CSMD1: variants seen among roughly 807,000 people sequenced by gnomAD.
The protein encoded by CSMD1 is CUB and sushi domain-containing protein 1.
CSMD1 carries 213 observed loss-of-function variants against 417.5 expected under a neutral mutation model. The ratio of observed to expected loss-of-function variants is 0.51; its 90% CI spans 0.46 to 0.57. CSMD1 has a LOEUF of 0.57. Ranked by LOEUF, CSMD1 falls within the 20% of genes least tolerant of loss-of-function variation. CSMD1 has a pLI of 0.00. For missense variants in CSMD1, 6,923 were observed against 4,529.7 expected (o/e 1.53, Z -15.17); for synonymous variants, 2,862 against 1,736.8 (o/e 1.65, Z -16.11).
At chr8:4,639,370 C>G (rs996414389) in intron 1 of CSMD1, among the ~76,000 whole-genome samples, 2 of 151,180 alleles carry the variant, frequency 1.3e-5, no homozygotes, top group South Asian at 2.1e-4. Flanking sequence ...GCAGACAGAT[C>G]GTTGGAAGTG....
At chr8:3,464,968 C>G (rs371987702) in intron 12 of CSMD1, among the ~76,000 whole-genome samples, 1 of 151,846 alleles carries the variant, frequency 6.6e-6, no homozygotes, top group East Asian at 1.9e-4. Flanking sequence ...AATTCACACT[C>G]TCTCTCTCTC....
chr8:3,303,720 T>G (rs17320091), intron 25 of CSMD1, among the ~76,000 whole-genome samples: 2 of 152,190 alleles, frequency 1.3e-5, no homozygotes, highest in Non-Finnish European at 2.9e-5. Flanking sequence ...CTGTTACTTT[T>G]GTTACATAAA....
In CSMD1 at chr8:4,022,733, G is replaced by C. The variant is rs112995873; in HGVS notation, c.610+9172C>G. Among the ~76,000 whole-genome samples, 9 of 152,276 alleles carry C rather than the reference G, an allele frequency of 5.9e-5. No individual in the cohort carries two copies. The South Asian group carries it at 6.2e-4, about 11-fold the overall frequency. On this transcript the variant is annotated intron_variant, in intron 4 of 69. Coordinates refer to ENST00000635120, the MANE Select transcript of CSMD1 (RefSeq NM_033225.6). ...GCTGTGGTGAAGTGACAACTCACTG[G>C]ATGAACAGACAACTAGAAACTTTGG... is the stretch of plus-strand genomic sequence containing the variant.
intron 1 of CSMD1, among the ~76,000 whole-genome samples, chr8:4,861,881 G>C (rs922364073): frequency 6.6e-6 from 1 of 152,088 alleles, no homozygotes; most frequent in Non-Finnish European, 1.5e-5. Flanking sequence ...GAGGAAGAGA[G>C]ACAGAGGGAG....
chr8:4,734,738 A>G (rs1810119500), intron 1 of CSMD1, among the ~76,000 whole-genome samples: 1 of 152,190 alleles, frequency 6.6e-6, no homozygotes, highest in Non-Finnish European at 1.5e-5. Flanking sequence ...AGGCAAATAA[A>G]TTATTGGCTA....
chr8:4,379,139 AG>A, intron 3 of CSMD1, among the ~76,000 whole-genome samples: 1 of 152,338 alleles, frequency 6.6e-6, no homozygotes, highest in South Asian at 2.1e-4. Context: ...CAGATATATC[AG>A]CCCCTGTAAT....
At chr8:4,431,538 C>T (rs970253730) in intron 2 of CSMD1, among the ~76,000 whole-genome samples, 1 of 151,430 alleles carries the variant, frequency 6.6e-6, no homozygotes, top group South Asian at 2.1e-4. Context: ...ACACCCGACC[C>T]TGATAATCTA....
chr8:3,160,699 A>C (rs558737091), intron 38 of CSMD1, among the ~76,000 whole-genome samples: 1 of 152,358 alleles, frequency 6.6e-6, no homozygotes, highest in Non-Finnish European at 1.5e-5. Flanking sequence ...GTTTCTAATA[A>C]CAGCTACAAT....
At chr8:4,336,851 A>T (rs1474101092) in intron 3 of CSMD1, among the ~76,000 whole-genome samples, 1 of 152,060 alleles carries the variant, frequency 6.6e-6, no homozygotes, top group African/African-American at 2.4e-5. Context: ...GTTGAGATTT[A>T]TTTCCAATAA....
At chr8:3,920,714 T>C (rs1809184820) in intron 5 of CSMD1, among the ~76,000 whole-genome samples, 1 of 149,318 alleles carries the variant, frequency 6.7e-6, no homozygotes, top group South Asian at 2.2e-4. Context: ...AAATGCTTTT[T>C]TGTGCATCTA....
intron 3 of CSMD1, among the ~76,000 whole-genome samples, chr8:4,112,515 G>T (rs893553085): frequency 1.3e-5 from 2 of 152,156 alleles, no homozygotes; most frequent in African/African-American, 4.8e-5. Flanking sequence ...CAGGAAGTTT[G>T]GAAAAGACAT....
Position 3,604,523 on chromosome 8 carries a change from T to A in CSMD1, c.1097+12187A>T, listed in dbSNP as rs118076907. Among the ~76,000 whole-genome samples, 661 of 152,260 alleles carry A rather than the reference T, an allele frequency of 4.3e-3. 12 individuals carry two copies. The highest frequency in any genetic ancestry group is 4.2e-3 in the Non-Finnish European group (289 of 68,016). On this transcript the variant is annotated intron_variant, in intron 8 of 69. Transcript: ENST00000635120. ...GCTAAAGAGGAGAGCCAATACCACATAGGATACCAACCGAGATATCAGTGT... is the reference window on the plus strand; with the variant it reads ...GCTAAAGAGGAGAGCCAATACCACAAAGGATACCAACCGAGATATCAGTGT...
chr8:3,849,774 T>C lies in CSMD1; in HGVS notation c.819-95732A>G, dbSNP rs186248401. On this transcript the variant is annotated intron_variant, in intron 5 of 69. Coordinates refer to ENST00000635120, the MANE Select transcript of CSMD1 (RefSeq NM_033225.6). The stretch of plus-strand genomic sequence containing the variant: ...TACAAATATCTTTTGAGAAATGATA[T>C]GTTTTTAAAGATGATATTGTGAGAC... Among the ~76,000 whole-genome samples the C allele has an allele frequency of 2.3e-3, 348 of 152,280 alleles. 1 individual carries two copies. The highest frequency in any genetic ancestry group is 4.8e-3 in the Admixed American group (73 of 15,286).
intron 2 of CSMD1, among the ~76,000 whole-genome samples, chr8:4,466,198 T>C (rs1800156868): frequency 6.6e-6 from 1 of 152,158 alleles, no homozygotes; most frequent in South Asian, 2.1e-4. Context: ...TTGGGCATGA[T>C]GCTTTTATAA....
chr8:4,677,783 G>A (rs937155575), intron 1 of CSMD1, among the ~76,000 whole-genome samples: 3 of 152,154 alleles, frequency 2.0e-5, no homozygotes, highest in Non-Finnish European at 4.4e-5. Context: ...ATGGAAAACA[G>A]AAGGTAATGT....
chr8:3,934,980 C>G (rs370500790), intron 5 of CSMD1, among the ~76,000 whole-genome samples: 1 of 152,268 alleles, frequency 6.6e-6, no homozygotes, highest in East Asian at 1.9e-4. Context: ...GCACCCAGAT[C>G]TAAACTCTGT....
At chr8:3,160,185 G>C (rs1380402303) in intron 38 of CSMD1, among the ~76,000 whole-genome samples, 1 of 152,058 alleles carries the variant, frequency 6.6e-6, no homozygotes, top group Admixed American at 6.6e-5. Flanking sequence ...GTGCAGTGGT[G>C]CAATCTCGGC....
At chr8:3,384,202 C>T (rs1224372569) in intron 18 of CSMD1, among the ~76,000 whole-genome samples, 8 of 152,050 alleles carry the variant, frequency 5.3e-5, no homozygotes, top group Admixed American at 5.2e-4. Context: ...ATGTAGACAT[C>T]TTTAAAAAAT....
rs150429186 is a variant in CSMD1, at chr8:4,974,586, T to A, written c.85+19746A>T. ...AAAAGATTGGAGTCGACGTTTTATG[T>A]ATAACAAACATCAACATATATATTT... On this transcript the variant is annotated intron_variant, in intron 1 of 69. Transcript: ENST00000635120. 6.3e-4 allele frequency among the ~76,000 whole-genome samples: 96 copies of A among 152,270 alleles called. 2 individuals carry two copies. The East Asian group carries it at 8.3e-3, about 13-fold the overall frequency.
Sources: allele counts gnomAD v4.1 joint callset (sites outside exome capture counted in the v4.1 genomes callset), GRCh38; gene constraint gnomAD v4.1.1; transcripts MANE v1.5; gene names NCBI Gene and HGNC (gene_info 2026-07-23, HGNC 2026-07-21).